DIAPH2: variants seen among roughly 807,000 people sequenced by gnomAD.
DIAPH2 encodes protein diaphanous homolog 2.
Under a neutral mutation model 92.7 loss-of-function variants are expected in DIAPH2, and 35 were observed. The observed-to-expected ratio is 0.38, with a 90% CI of 0.29 to 0.50. DIAPH2 has a LOEUF of 0.50. Among genes scored for constraint, DIAPH2 ranks in the 20% least tolerant of loss-of-function variants. The probability of loss-of-function intolerance (pLI) is 0.94; values close to 1 mark genes in which losing one functional copy is unlikely to be tolerated. For synonymous variants in DIAPH2, 301 were observed against 280.4 expected (o/e 1.07, Z -0.73); for missense variants, 701 against 819.5 (o/e 0.86, Z 1.77).
chrX:97,204,905 C>T (rs757225298), intron 22 of DIAPH2, among the ~76,000 whole-genome samples: 6 of 111,714 alleles, frequency 5.4e-5, no homozygotes, highest in Non-Finnish European at 1.1e-4. Flanking sequence ...AGGCATCACA[C>T]TACCTGACTT....
At chrX:97,258,477 G>A (rs1386774684) in intron 23 of DIAPH2, among the ~76,000 whole-genome samples, 1 of 110,711 alleles carries the variant, frequency 9.0e-6, no homozygotes. Flanking sequence ...GGAGGCTGAG[G>A]CAGGAGAACC....
At chrX:97,470,582 A>G (rs1395604544) in intron 26 of DIAPH2, among the ~76,000 whole-genome samples, 1 of 110,384 alleles carries the variant, frequency 9.1e-6, no homozygotes, top group Non-Finnish European at 1.9e-5. Flanking sequence ...AATTGATATT[A>G]TTATTAATCC....
At chrX:97,439,565 G>A (rs1458687241) in intron 26 of DIAPH2, among the ~76,000 whole-genome samples, 5 of 106,040 alleles carry the variant, frequency 4.7e-5, no homozygotes, top group African/African-American at 6.9e-5. Context: ...GCGAGACTCC[G>A]TCTCAAAAAA....
rs1198889882 is a variant in DIAPH2 at position 96,696,654 on chromosome X, A to G, written c.132+11464A>G. Among the ~76,000 whole-genome samples the G allele has an allele frequency of 2.7e-5, 3 of 112,057 alleles. No homozygotes were observed. In the South Asian group the frequency reaches 1.1e-3, roughly 42 times the overall value. On this transcript the variant is annotated intron_variant, in intron 1 of 26. Transcript: ENST00000324765. ...AAGGTAATGGTCTGAGCCCTAGGGA[A>G]TGCTGGCTTCCTCTGCGTCATCCTG...
intron 22 of DIAPH2, among the ~76,000 whole-genome samples, chrX:97,238,625 A>G (rs1292169238): frequency 1.0e-5 from 1 of 100,408 alleles, no homozygotes; most frequent in Non-Finnish European, 2.0e-5. Flanking sequence ...TTTCTTCATT[A>G]TAGGGATTTT....
intron 9 of DIAPH2, among the ~76,000 whole-genome samples, chrX:96,928,793 G>T (rs1486121955): frequency 1.8e-5 from 2 of 111,051 alleles, no homozygotes; most frequent in Non-Finnish European, 3.8e-5. Context: ...GTCAATGGAT[G>T]GAACGTCTTT....
intron 4 of DIAPH2, among the ~76,000 whole-genome samples, chrX:96,792,113 G>A (rs1384521813): frequency 9.0e-6 from 1 of 111,353 alleles, no homozygotes; most frequent in East Asian, 2.8e-4. Flanking sequence ...TTCTAGTAGG[G>A]GAATTTACCT....
At chrX:97,331,615 T>A (rs1269296099) in intron 23 of DIAPH2, among the ~76,000 whole-genome samples, 1 of 112,296 alleles carries the variant, frequency 8.9e-6, no homozygotes, top group Non-Finnish European at 1.9e-5. Context: ...GGCTATTACC[T>A]ATATTGAATA....
At chrX:97,352,795 A>G (rs1038651254) in intron 24 of DIAPH2, among the ~76,000 whole-genome samples, 6 of 100,852 alleles carry the variant, frequency 5.9e-5, no homozygotes, top group African/African-American at 1.8e-4. Flanking sequence ...GTGTGAACCC[A>G]GGAGGCGGAG....
Position 97,602,611 on chromosome X carries a change from C to T in DIAPH2, c.*3294C>T, listed in dbSNP as rs914079431. The T allele has an allele frequency of 8.9e-5, 10 of 112,236 alleles. No homozygotes were observed. Among genetic ancestry groups the T allele is most frequent in the South Asian group, 3.8e-4 (1 of 2,648 alleles). 9.2% of individuals were successfully genotyped at this position (112,236 alleles called of 1,213,427 possible). A position where few individuals can be genotyped will look rare whatever the true frequency, so the allele number is the denominator to read the frequency against. ...AGTAATCCTCTTTCTCAGGGCTCCA[C>T]CCTTTGGGCCTGTAGCTCTTCTTTC... On this transcript the variant is annotated 3_prime_UTR_variant, in exon 27 of 27. Transcript: ENST00000324765.
intron 22 of DIAPH2, among the ~76,000 whole-genome samples, chrX:97,223,724 A>G (rs2077581050): frequency 9.0e-6 from 1 of 111,721 alleles, no homozygotes; most frequent in African/African-American, 3.2e-5. Flanking sequence ...AATTAGTAAT[A>G]TCCTATTAGT....
chrX:97,199,832 G>T (rs912880415), intron 22 of DIAPH2, among the ~76,000 whole-genome samples: 2 of 111,769 alleles, frequency 1.8e-5, no homozygotes, highest in Non-Finnish European at 3.8e-5. Context: ...TATTTGGTCT[G>T]TTGTATTTCC....
At chrX:96,724,710 A>G (rs751025372) in intron 1 of DIAPH2, among the ~76,000 whole-genome samples, 2 of 112,213 alleles carry the variant, frequency 1.8e-5, no homozygotes, top group East Asian at 5.6e-4. Flanking sequence ...AAAATACATC[A>G]CTGTTGTCTT....
At chrX:97,293,353 G>C (rs1041669417) in intron 23 of DIAPH2, among the ~76,000 whole-genome samples, 2 of 103,698 alleles carry the variant, frequency 1.9e-5, no homozygotes, top group Non-Finnish European at 3.9e-5. Context: ...CCCAGGTTCA[G>C]GCCATTCTCC....
intron 4 of DIAPH2, among the ~76,000 whole-genome samples, chrX:96,853,418 A>G (rs1428564099): frequency 8.9e-6 from 1 of 111,884 alleles, no homozygotes; most frequent in East Asian, 2.8e-4. Context: ...TTTGATTTTT[A>G]TAGCTCACAT....
In DIAPH2 at chrX:97,541,180, C is replaced by T. The variant is rs549492783; in HGVS notation, c.3242-58073C>T. 1.2e-4 allele frequency among the ~76,000 whole-genome samples: 13 copies of T among 111,496 alleles called. No homozygotes were observed. The South Asian group carries it at 4.9e-3, about 42-fold the overall frequency. ...ACAAACTAGAATTCTGTTTCGGAAG[C>T]CAAGGAAATTAAAGAAAAATAGAGT... On this transcript the variant is annotated intron_variant, in intron 26 of 26. Transcript: ENST00000324765.
At chrX:96,779,797 T>A (rs1206316903) in intron 4 of DIAPH2, among the ~76,000 whole-genome samples, 2 of 112,456 alleles carry the variant, frequency 1.8e-5, no homozygotes, top group East Asian at 5.5e-4. Context: ...TGTTCAATAA[T>A]CCAGAGCAAT....
intron 23 of DIAPH2, among the ~76,000 whole-genome samples, chrX:97,256,501 G>A (rs1249622701): frequency 8.9e-6 from 1 of 112,089 alleles, no homozygotes; most frequent in Non-Finnish European, 1.9e-5. Flanking sequence ...ATCATGTACT[G>A]TTTTCATAAT....
intron 4 of DIAPH2, among the ~76,000 whole-genome samples, chrX:96,779,515 G>A (rs1469455316): frequency 9.0e-6 from 1 of 111,593 alleles, no homozygotes; most frequent in Admixed American, 9.5e-5. Context: ...GTTATATTTA[G>A]GCCTTACTTA....
Sources: allele counts gnomAD v4.1 joint callset (sites outside exome capture counted in the v4.1 genomes callset), GRCh38; gene constraint gnomAD v4.1.1; transcripts MANE v1.5; gene names NCBI Gene and HGNC (gene_info 2026-07-23, HGNC 2026-07-21).